The following VPS13B variants were observed in gnomAD, a reference collection of about 807,000 sequenced individuals.
VPS13B encodes the protein intermembrane lipid transfer protein VPS13B.
In VPS13B, 285 loss-of-function variants were observed where a neutral mutation model predicts 426.4. The observed-to-expected ratio is 0.67, with a 90% CI of 0.61 to 0.74. VPS13B has a LOEUF of 0.74. Among genes scored for constraint, VPS13B ranks in the 30% least tolerant of loss-of-function variants. The probability of loss-of-function intolerance (pLI) is 0.00; values close to 1 mark genes in which losing one functional copy is unlikely to be tolerated. For missense variants in VPS13B, 4,537 were observed against 4,782.6 expected, an observed-to-expected ratio of 0.95 and a Z score of 1.51; for synonymous variants, 1,676 against 1,676.4, an observed-to-expected ratio of 1.00 and a Z score of 0.01.
At chr8:99,382,216 T>C (rs1166205303) in intron 19 of VPS13B, among the ~76,000 whole-genome samples, 2 of 152,178 alleles carry the variant, frequency 1.3e-5, no homozygotes, top group African/African-American at 2.4e-5. Flanking sequence ...TCATGCTGTT[T>C]TGGTTACTAT....
intron 43 of VPS13B, among the ~76,000 whole-genome samples, chr8:99,792,646 A>G (rs1166385032): frequency 1.3e-5 from 2 of 152,156 alleles, no homozygotes; most frequent in African/African-American, 2.4e-5. Flanking sequence ...TGCCAGCACC[A>G]GGCAGTAAGA....
chr8:99,369,009 G>A (rs1417460318), intron 19 of VPS13B, among the ~76,000 whole-genome samples: 1 of 152,078 alleles, frequency 6.6e-6, no homozygotes, highest in Non-Finnish European at 1.5e-5. Flanking sequence ...TGTATGATTG[G>A]CAGAATCCTT....
chr8:99,683,673 T>G (rs555290653), intron 35 of VPS13B, among the ~76,000 whole-genome samples: 75 of 152,352 alleles, frequency 4.9e-4, no homozygotes, highest in African/African-American at 1.7e-3. Context: ...TGTTAGTTTA[T>G]AGAAACTCAA....
chr8:99,720,469 C>G lies in VPS13B; in HGVS notation c.6782C>G (p.Pro2261Arg). ...VSEPVPQMSS[P>R]VEKNQTFKSE... ...GAACCAGTGCCTCAAATGTCATCTC[C>G]TGTGGAAAAGAATCAGACATTTAAA... The change falls in exon 38 of 62, where the codon CCT (proline) becomes CGT (arginine). Residue 2261 changes from proline to arginine, a missense_variant. This residue lies in a region of VPS13B where 4,311 missense variants were observed against 4,474.3 expected (regional missense o/e 0.96). Transcript: ENST00000357162. 6.2e-7 allele frequency: 1 copy of G among 1,613,952 alleles called. No homozygotes were observed. Among genetic ancestry groups the G allele is most frequent in the Non-Finnish European group, 8.5e-7 (1 of 1,179,928 alleles).
chr8:99,514,601 A>G (rs1457369839), intron 29 of VPS13B, among the ~76,000 whole-genome samples: 6 of 152,212 alleles, frequency 3.9e-5, no homozygotes, highest in Non-Finnish European at 5.9e-5. Context: ...AAGTTGCTGC[A>G]TGTATCAGAA....
chr8:99,681,805 A>G (rs1437715336), intron 35 of VPS13B, among the ~76,000 whole-genome samples: 1 of 152,214 alleles, frequency 6.6e-6, no homozygotes, highest in East Asian at 1.9e-4. Context: ...TAATTACTAA[A>G]TTTAAGGTAA....
At chr8:99,696,345 G>A (rs1005278380) in intron 35 of VPS13B, 2 of 273,378 alleles carry the variant, frequency 7.3e-6, no homozygotes, top group Non-Finnish European at 1.5e-5. Flanking sequence ...TGGATGAGCT[G>A]AAGCGCTACT....
At chr8:99,775,256 C>A (rs902426173) in intron 40 of VPS13B, among the ~76,000 whole-genome samples, 1 of 152,132 alleles carries the variant, frequency 6.6e-6, no homozygotes, top group African/African-American at 2.4e-5. Flanking sequence ...GGATTTGTTT[C>A]TTTAGTGCTT....
chr8:99,279,568 T>C (rs1226253245), intron 19 of VPS13B, among the ~76,000 whole-genome samples: 1 of 152,156 alleles, frequency 6.6e-6, no homozygotes, highest in Non-Finnish European at 1.5e-5. Context: ...GACTCCCTTG[T>C]CTTTTTAATA....
intron 54 of VPS13B, 33 bp from the exon 55 acceptor site, chr8:99,848,743 T>A (rs775962304): frequency 5.0e-6 from 8 of 1,603,870 alleles, no homozygotes; most frequent in Non-Finnish European, 6.8e-6. Flanking sequence ...TTCTTATTTC[T>A]TTTTAATCAG....
intron 27 of VPS13B, among the ~76,000 whole-genome samples, chr8:99,503,960 G>A (rs184147239): frequency 6.6e-6 from 1 of 152,090 alleles, no homozygotes; most frequent in Non-Finnish European, 1.5e-5. Flanking sequence ...TAGAACCTTC[G>A]GAAGAATCAC....
intron 17 of VPS13B, among the ~76,000 whole-genome samples, chr8:99,269,344 AG>A (rs1818458576): frequency 6.6e-6 from 1 of 152,208 alleles, no homozygotes; most frequent in Non-Finnish European, 1.5e-5. Flanking sequence ...CTATGACAAC[AG>A]GATTTGAGTA....
chr8:99,830,365 C>G (rs1385719300), intron 51 of VPS13B, among the ~76,000 whole-genome samples: 1 of 152,198 alleles, frequency 6.6e-6, no homozygotes, highest in South Asian at 2.1e-4. Context: ...GGGCTCTTCC[C>G]AGTCCGAACT....
chr8:99,662,896 T>C (rs1830296544), intron 35 of VPS13B, among the ~76,000 whole-genome samples: 2 of 151,764 alleles, frequency 1.3e-5, no homozygotes, highest in South Asian at 4.2e-4. Flanking sequence ...AAAATAACAA[T>C]AAAAATAAAA....
At chr8:99,688,426 TA>T (rs1294923566) in intron 35 of VPS13B, among the ~76,000 whole-genome samples, 3 of 152,052 alleles carry the variant, frequency 2.0e-5, no homozygotes, top group Non-Finnish European at 4.4e-5. Flanking sequence ...GTTTTGGAAC[TA>T]AAATTGACAG....
intron 25 of VPS13B, among the ~76,000 whole-genome samples, chr8:99,493,607 A>T (rs1178660522): frequency 1.3e-5 from 2 of 152,066 alleles, no homozygotes; most frequent in Non-Finnish European, 2.9e-5. Flanking sequence ...CAACATGGCA[A>T]AACCCCTTCT....
At chr8:99,717,085 A>G in intron 36 of VPS13B, 86 bp from the exon 37 acceptor site, 1 of 1,312,318 alleles carries the variant, frequency 7.6e-7, no homozygotes, top group African/African-American at 1.5e-5. Flanking sequence ...GGATGAATTA[A>G]TACTCTTCAA....
intron 37 of VPS13B, among the ~76,000 whole-genome samples, chr8:99,718,901 C>T (rs557074683): frequency 6.6e-6 from 1 of 152,152 alleles, no homozygotes; most frequent in Non-Finnish European, 1.5e-5. Context: ...TCAAGTGATC[C>T]TCCACCCATG....
chr8:99,046,463 T>A (rs1214730765), intron 3 of VPS13B, among the ~76,000 whole-genome samples: 1 of 151,994 alleles, frequency 6.6e-6, no homozygotes, highest in African/African-American at 2.4e-5. Flanking sequence ...CTTGATAGGG[T>A]TTTCTAGGTA....
Sources: allele counts gnomAD v4.1 joint callset (sites outside exome capture counted in the v4.1 genomes callset), GRCh38; gene constraint gnomAD v4.1.1; regional missense constraint gnomAD v4.1.1; transcripts MANE v1.5; gene names NCBI Gene and HGNC (gene_info 2026-07-23, HGNC 2026-07-21).